The following WWOX variants were observed in gnomAD, a reference collection of about 807,000 sequenced individuals.
WWOX encodes WW domain-containing oxidoreductase.
Under a neutral mutation model 46.2 loss-of-function variants are expected in WWOX, and 69 were observed. The observed-to-expected ratio is 1.49, with a 90% CI of 1.23 to 1.82. The LOEUF (loss-of-function observed/expected upper bound fraction) is 1.82. Ranked by LOEUF, WWOX falls within the 40% of genes most tolerant of loss-of-function variation. The probability of loss-of-function intolerance (pLI) is 0.00; values close to 1 mark genes in which losing one functional copy is unlikely to be tolerated. For synonymous variants in WWOX, 359 were observed against 202.6 expected, an observed-to-expected ratio of 1.77 and a Z score of -6.56; for missense variants, 919 against 542.6, an observed-to-expected ratio of 1.69 and a Z score of -6.89.
intron 8 of WWOX, among the ~76,000 whole-genome samples, chr16:78,479,400 C>A (rs1007988647): frequency 1.3e-5 from 2 of 152,116 alleles, no homozygotes; most frequent in Non-Finnish European, 2.9e-5. Flanking sequence ...TTAGAGAATG[C>A]TTTCATTGTA....
intron 8 of WWOX, among the ~76,000 whole-genome samples, chr16:79,006,958 G>T (rs1253354380): frequency 6.6e-6 from 1 of 152,280 alleles, no homozygotes; most frequent in East Asian, 1.9e-4. Context: ...AGCAACGTCA[G>T]TTCCACCCAC....
Position 78,362,118 on chromosome 16 carries a change from A to G in WWOX, c.517-24742A>G, listed in dbSNP as rs372156908. Among the ~76,000 whole-genome samples the G allele has an allele frequency of 5.9e-5, 9 of 151,584 alleles. No homozygotes were observed. In the East Asian group the frequency reaches 9.8e-4, roughly 16 times the overall value. On this transcript the variant is annotated intron_variant, in intron 5 of 8. Coordinates refer to ENST00000566780, the MANE Select transcript of WWOX (RefSeq NM_016373.4). ...CATTCTTCCTCACTCCCCACTTTTT[A>G]TGTCCGGTGGCCATAGGCTGGTGAG...
chr16:79,061,189 G>A (rs188249842), intron 8 of WWOX, among the ~76,000 whole-genome samples: 4 of 152,262 alleles, frequency 2.6e-5, no homozygotes, highest in Admixed American at 1.3e-4. Context: ...GTGCCAACCC[G>A]AAAGCCTGAC....
At chr16:78,543,615 A>G (rs1015293172) in intron 8 of WWOX, among the ~76,000 whole-genome samples, 4 of 152,222 alleles carry the variant, frequency 2.6e-5, no homozygotes, top group Non-Finnish European at 4.4e-5. Flanking sequence ...TTGGAATGCA[A>G]AAACCTAAGG....
intron 8 of WWOX, among the ~76,000 whole-genome samples, chr16:78,652,110 G>A (rs965186812): frequency 1.3e-5 from 2 of 152,070 alleles, no homozygotes; most frequent in African/African-American, 4.8e-5. Context: ...AGGGCTCCTG[G>A]TCACTTAAAA....
chr16:79,120,297 C>G (rs141756245), intron 8 of WWOX, among the ~76,000 whole-genome samples: 41 of 152,286 alleles, frequency 2.7e-4, no homozygotes, highest in African/African-American at 9.9e-4. Context: ...GAGTCATTCT[C>G]AAGGTATGCT....
At chr16:78,474,813 C>G (rs2084317201) in intron 8 of WWOX, among the ~76,000 whole-genome samples, 1 of 152,158 alleles carries the variant, frequency 6.6e-6, no homozygotes, top group African/African-American at 2.4e-5. Flanking sequence ...GGACATTTCT[C>G]ATTAATGGGC....
In WWOX at chr16:78,279,510, C is replaced by A. The variant is rs1054807458; in HGVS notation, c.517-107350C>A. On this transcript the variant is annotated intron_variant, in intron 5 of 8. Coordinates refer to ENST00000566780, the MANE Select transcript of WWOX (RefSeq NM_016373.4). ...TACCCTAAGAAATCAATTTCAATTT[C>A]TTCAGTTTGAAAGACTCATTTGTGA... Among the ~76,000 whole-genome samples, 32 of 152,240 alleles carry A rather than the reference C, an allele frequency of 2.1e-4. No homozygotes were observed. The East Asian group carries it at 6.2e-3, about 29-fold the overall frequency.
intron 8 of WWOX, among the ~76,000 whole-genome samples, chr16:79,009,768 G>C (rs1031706459): frequency 2.6e-5 from 4 of 152,110 alleles, no homozygotes; most frequent in African/African-American, 9.7e-5. Context: ...AATTTTCAAA[G>C]GAAGAAATGG....
chr16:78,676,507 C>T (rs368644966), intron 8 of WWOX, among the ~76,000 whole-genome samples: 1 of 151,816 alleles, frequency 6.6e-6, no homozygotes, highest in East Asian at 1.9e-4. Context: ...GGTTTCATCA[C>T]CAGGAAAGCA....
intron 8 of WWOX, among the ~76,000 whole-genome samples, chr16:78,468,800 A>G (rs757587118): frequency 2.6e-5 from 4 of 152,194 alleles, no homozygotes; most frequent in African/African-American, 4.8e-5. Context: ...CTATATTCTG[A>G]TTTCAGCAAC....
At chr16:78,835,688 C>A (rs2051960823) in intron 8 of WWOX, among the ~76,000 whole-genome samples, 1 of 152,202 alleles carries the variant, frequency 6.6e-6, no homozygotes, top group African/African-American at 2.4e-5. Flanking sequence ...TTCTGAAACT[C>A]ACCCTGTGCT....
chr16:78,478,587 C>G (rs1260639145), intron 8 of WWOX, among the ~76,000 whole-genome samples: 1 of 152,186 alleles, frequency 6.6e-6, no homozygotes, highest in South Asian at 2.1e-4. Flanking sequence ...ACCCCCCACC[C>G]CAAGGAAAGC....
chr16:79,069,891 G>C (rs991933303), intron 8 of WWOX, among the ~76,000 whole-genome samples: 8 of 152,074 alleles, frequency 5.3e-5, no homozygotes, highest in Non-Finnish European at 1.0e-4. Context: ...AAAACACCTT[G>C]TTTCAAATTT....
At chr16:78,460,383 G>T (rs549251788) in intron 8 of WWOX, among the ~76,000 whole-genome samples, 1 of 152,186 alleles carries the variant, frequency 6.6e-6, no homozygotes. Context: ...GCAAAGTGCT[G>T]GGATTATAGG....
chr16:78,579,161 C>T (rs2044982548), intron 8 of WWOX, among the ~76,000 whole-genome samples: 1 of 152,088 alleles, frequency 6.6e-6, no homozygotes, highest in African/African-American at 2.4e-5. Flanking sequence ...TTTAATGATT[C>T]AGCAATAATT....
At chr16:78,422,801 A>C (rs2082975084) in intron 6 of WWOX, among the ~76,000 whole-genome samples, 1 of 123,368 alleles carries the variant, frequency 8.1e-6, no homozygotes, top group Non-Finnish European at 1.5e-5. Flanking sequence ...ACACATATAT[A>C]TACACACACA....
chr16:78,984,654 A>C (rs1201120885), intron 8 of WWOX, among the ~76,000 whole-genome samples: 1 of 152,246 alleles, frequency 6.6e-6, no homozygotes, highest in African/African-American at 2.4e-5. Context: ...TGATTGGAAC[A>C]ACATACAAAC....
At chr16:78,752,300 G>A (rs1279284267) in intron 8 of WWOX, among the ~76,000 whole-genome samples, 1 of 151,868 alleles carries the variant, frequency 6.6e-6, no homozygotes, top group African/African-American at 2.4e-5. Context: ...TTTCCTTTTT[G>A]TTTTTGACGG....
Sources: gnomAD v4.1 joint callset for allele counts (sites outside exome capture counted in the v4.1 genomes callset) on GRCh38, gnomAD v4.1.1 for gene constraint, MANE v1.5 for transcripts, NCBI Gene and HGNC (gene_info 2026-07-23, HGNC 2026-07-21) for gene names.